CTNNBL1: variants seen among roughly 807,000 people sequenced by gnomAD.
CTNNBL1 encodes beta-catenin-like protein 1.
In CTNNBL1, 31 loss-of-function variants were observed where a neutral mutation model predicts 72.7. That is an observed-to-expected ratio of 0.43 (90% confidence interval 0.32 to 0.58). The LOEUF is 0.58. Ranked by LOEUF, CTNNBL1 falls within the 20% of genes least tolerant of loss-of-function variation. CTNNBL1 has a pLI of 0.08. For missense variants in CTNNBL1, 534 were observed against 725.1 expected, an observed-to-expected ratio of 0.74 and a Z score of 3.03; for synonymous variants, 240 against 267.3, an observed-to-expected ratio of 0.90 and a Z score of 1.00.
intron 15 of CTNNBL1, among the ~76,000 whole-genome samples, chr20:37,861,700 T>C (rs2072493072): frequency 6.6e-6 from 1 of 152,180 alleles, no homozygotes; most frequent in Admixed American, 6.5e-5. Flanking sequence ...GGCTTGTGGA[T>C]CCAAATCTTG....
At chr20:37,757,295 A>T (rs1220193999) in intron 4 of CTNNBL1, among the ~76,000 whole-genome samples, 1 of 152,190 alleles carries the variant, frequency 6.6e-6, no homozygotes, top group Non-Finnish European at 1.5e-5. Flanking sequence ...GATCTATTTA[A>T]AATTTTGAAA....
chr20:37,849,206 A>G (rs908457513), intron 13 of CTNNBL1, among the ~76,000 whole-genome samples: 1 of 152,210 alleles, frequency 6.6e-6, no homozygotes, highest in African/African-American at 2.4e-5. Flanking sequence ...TAGTCTGCCT[A>G]TCTGTAGGTT....
At chr20:37,766,356 G>A (rs2073468118) in intron 6 of CTNNBL1, among the ~76,000 whole-genome samples, 1 of 152,218 alleles carries the variant, frequency 6.6e-6, no homozygotes, top group African/African-American at 2.4e-5. Flanking sequence ...AACAGCTCAG[G>A]AGAGTCTTCC....
intron 10 of CTNNBL1, among the ~76,000 whole-genome samples, chr20:37,783,058 G>A (rs574943734): frequency 2.0e-4 from 30 of 152,100 alleles, no homozygotes; most frequent in African/African-American, 6.5e-4. Flanking sequence ...CTTGCATGCC[G>A]CCAGGCCTGG....
chr20:37,808,100 G>A (rs2071975648), intron 11 of CTNNBL1, among the ~76,000 whole-genome samples: 1 of 152,204 alleles, frequency 6.6e-6, no homozygotes, highest in Admixed American at 6.5e-5. Flanking sequence ...GAGCCACCGA[G>A]CAGCATGTAG....
At chr20:37,802,495 A>G (rs993378688) in intron 10 of CTNNBL1, among the ~76,000 whole-genome samples, 2 of 152,230 alleles carry the variant, frequency 1.3e-5, no homozygotes, top group Non-Finnish European at 2.9e-5. Flanking sequence ...TAGAAATTGT[A>G]TAGTATGCGA....
intron 10 of CTNNBL1, among the ~76,000 whole-genome samples, chr20:37,798,768 T>C (rs969945302): frequency 4.6e-5 from 7 of 152,200 alleles, no homozygotes; most frequent in Non-Finnish European, 1.0e-4. Context: ...CAGTTCTGTG[T>C]TATTTGTGAA....
chr20:37,801,069 G>A (rs1363642339), intron 10 of CTNNBL1, among the ~76,000 whole-genome samples: 1 of 152,146 alleles, frequency 6.6e-6, no homozygotes, highest in Non-Finnish European at 1.5e-5. Flanking sequence ...CCATTATCAG[G>A]TATCTCAATT....
chr20:37,761,463 G>GTACT, intron 5 of CTNNBL1, among the ~76,000 whole-genome samples: 1 of 152,290 alleles, frequency 6.6e-6, no homozygotes, highest in South Asian at 2.1e-4. Context: ...TGCTGTAAGG[G>GTACT]TACTTACTAT....
chr20:37,726,636 A>G (rs539306898), intron 1 of CTNNBL1, among the ~76,000 whole-genome samples: 3 of 152,318 alleles, frequency 2.0e-5, no homozygotes, highest in Middle Eastern at 3.4e-3. Context: ...AAGTTAGCCA[A>G]GCTCCTAAGT....
intron 2 of CTNNBL1, 148 bp from the exon 3 acceptor site, chr20:37,737,230 C>G: frequency 1.7e-6 from 1 of 599,916 alleles, no homozygotes; most frequent in East Asian, 2.9e-5. Flanking sequence ...TCTCAAAAAA[C>G]AAAACAAAAC....
intron 11 of CTNNBL1, among the ~76,000 whole-genome samples, chr20:37,804,876 T>C (rs1259353181): frequency 6.6e-6 from 1 of 152,210 alleles, no homozygotes; most frequent in Non-Finnish European, 1.5e-5. Flanking sequence ...GCATTAGGCA[T>C]GTGATAACAT....
chr20:37,780,359 T>C (rs1364611266), intron 10 of CTNNBL1, among the ~76,000 whole-genome samples: 1 of 152,156 alleles, frequency 6.6e-6, no homozygotes, highest in East Asian at 1.9e-4. Flanking sequence ...GTACTGGGCA[T>C]ACACAGAAAT....
At chr20:37,805,554 A>C (rs1186630221) in intron 11 of CTNNBL1, among the ~76,000 whole-genome samples, 1 of 148,802 alleles carries the variant, frequency 6.7e-6, no homozygotes, top group Non-Finnish European at 1.5e-5. Context: ...CCACCACCAC[A>C]CCCAGCTACT....
intron 2 of CTNNBL1, 26 bp from the exon 3 acceptor site, chr20:37,737,351 GT>G (rs1304213049): frequency 6.4e-7 from 1 of 1,554,680 alleles, no homozygotes; most frequent in African/African-American, 1.4e-5. Flanking sequence ...GTGGACTGAA[GT>G]TTTTGCATTT....
At chr20:37,779,412 G>GCTAT in intron 10 of CTNNBL1, 77 bp downstream of exon 10, 1 of 1,511,746 alleles carries the variant, frequency 6.6e-7, no homozygotes, top group South Asian at 1.2e-5. Context: ...AGAGCATGTA[G>GCTAT]CTATGATCAT....
intron 6 of CTNNBL1, among the ~76,000 whole-genome samples, chr20:37,767,437 GTTAT>G (rs1445480132): frequency 6.6e-6 from 1 of 151,958 alleles, no homozygotes; most frequent in Non-Finnish European, 1.5e-5. Context: ...CTCTGTGCAT[GTTAT>G]TTTGTTCAAT....
intron 13 of CTNNBL1, among the ~76,000 whole-genome samples, chr20:37,846,634 C>G (rs1354597277): frequency 1.3e-5 from 2 of 152,130 alleles, no homozygotes; most frequent in African/African-American, 4.8e-5. Context: ...GCCCCGCCCC[C>G]GCACATGTGT....
intron 1 of CTNNBL1, among the ~76,000 whole-genome samples, chr20:37,723,485 TG>T (rs1452344444): frequency 1.2e-4 from 19 of 152,328 alleles, no homozygotes; most frequent in Non-Finnish European, 1.3e-4. Flanking sequence ...GACTCTGCTT[TG>T]GGATTTTGAG....
Sources: gnomAD v4.1 joint callset for allele counts (sites outside exome capture counted in the v4.1 genomes callset) on GRCh38, gnomAD v4.1.1 for gene constraint, MANE v1.5 for transcripts, NCBI Gene and HGNC (gene_info 2026-07-23, HGNC 2026-07-21) for gene names.